Variants in R3HDM2 observed in about 807,000 individuals in gnomAD.
R3HDM2 encodes the protein R3H domain-containing protein 2.
Under a neutral mutation model 124.5 loss-of-function variants are expected in R3HDM2, and 38 were observed. The observed-to-expected ratio is 0.31, with a 90% CI of 0.24 to 0.40. The LOEUF (loss-of-function observed/expected upper bound fraction) is 0.40. R3HDM2 is among the 10% of genes least tolerant of loss of function. The pLI, the probability that R3HDM2 is intolerant of heterozygous loss-of-function variation, is 1.00. For missense variants in R3HDM2, 869 were observed against 1,236.9 expected (o/e 0.70, Z 4.46); for synonymous variants, 391 against 448.0 (o/e 0.87, Z 1.61).
intron 2 of R3HDM2, among the ~76,000 whole-genome samples, chr12:57,364,179 ACT>A (rs2062318815): frequency 8.3e-6 from 1 of 121,038 alleles, no homozygotes; most frequent in South Asian, 2.5e-4. Context: ...ATGGAGTATC[ACT>A]CTGTCACCCA....
chr12:57,376,323 A>T (rs1303046594), intron 2 of R3HDM2, among the ~76,000 whole-genome samples: 1 of 152,236 alleles, frequency 6.6e-6, no homozygotes, highest in African/African-American at 2.4e-5. Flanking sequence ...TTCTCATCTC[A>T]AACTTTGTCC....
chr12:57,426,256 G>A (rs890743374), intron 1 of R3HDM2, among the ~76,000 whole-genome samples: 4 of 152,012 alleles, frequency 2.6e-5, no homozygotes, highest in Non-Finnish European at 2.9e-5. Context: ...ATTAATTAAG[G>A]AAAGATAAAA....
chr12:57,385,760 A>C lies in R3HDM2; in HGVS notation c.-36+9989T>G, dbSNP rs543485423. 1.3e-3 allele frequency among the ~76,000 whole-genome samples: 191 copies of C among 152,288 alleles called. 1 individual carries two copies. The highest frequency in any genetic ancestry group is 4.2e-3 in the African/African-American group (174 of 41,576). On this transcript the variant is annotated intron_variant, in intron 2 of 23. Coordinates refer to ENST00000402412, the MANE Select transcript of R3HDM2 (RefSeq NM_001394031.1). ...TGACTGGGAGAGAAGACATCTAAGA[A>C]GACACCTGGGGGACTAGACAGAAGA...
chr12:57,279,027 A>G (rs2045513129), intron 14 of R3HDM2, among the ~76,000 whole-genome samples: 2 of 152,138 alleles, frequency 1.3e-5, no homozygotes, highest in Admixed American at 1.3e-4. Flanking sequence ...AATGTAAACT[A>G]CAGCAGAAAA....
At chr12:57,310,641 G>A (rs1033163248) in intron 2 of R3HDM2, among the ~76,000 whole-genome samples, 178 bp from the exon 3 acceptor site, 3 of 151,732 alleles carry the variant, frequency 2.0e-5, no homozygotes, top group Non-Finnish European at 4.4e-5. Context: ...CTTTATTGAG[G>A]TAAAATTGAC....
chr12:57,257,769 T>C (rs142682047), intron 21 of R3HDM2, among the ~76,000 whole-genome samples: 11 of 152,336 alleles, frequency 7.2e-5, no homozygotes, highest in Non-Finnish European at 1.6e-4. Flanking sequence ...TGGTTGTAAG[T>C]ACTAAGTATG....
intron 6 of R3HDM2, among the ~76,000 whole-genome samples, 162 bp downstream of exon 6, chr12:57,299,190 T>G (rs1397402040): frequency 6.6e-6 from 1 of 152,174 alleles, no homozygotes; most frequent in South Asian, 2.1e-4. Flanking sequence ...CAGGTTCAGT[T>G]AAAGAAGCAA....
Position 57,256,046 on chromosome 12 carries a change from C to G in R3HDM2, c.2576G>C (p.Arg859Pro), listed in dbSNP as rs1029062607. ...AGATTTGAGTGCTTGTCTCTTGCCC[C>G]GGTTTCCATGCTTCAGTCCACTCTG... ...QGQSGLKHGN[R>P]GKRQALKSAS... is the part of the protein sequence containing the mutation. Residue 859 changes from arginine (R) to proline (P), a missense_variant, in exon 23 of 24, where the codon CGG (arginine) becomes CCG (proline). This residue lies in a region of R3HDM2 where 602 missense variants were observed against 789.2 expected (regional missense o/e 0.76). Transcript: ENST00000402412. 1 of 1,613,976 alleles carries G rather than the reference C, an allele frequency of 6.2e-7. No individual in the cohort carries two copies. Among genetic ancestry groups the G allele is most frequent in the African/African-American group, 1.3e-5 (1 of 74,906 alleles).
intron 3 of R3HDM2, among the ~76,000 whole-genome samples, chr12:57,305,380 T>C (rs995655471): frequency 2.6e-5 from 4 of 152,150 alleles, no homozygotes; most frequent in Non-Finnish European, 5.9e-5. Context: ...TCTGACCTTT[T>C]GTTAGTATAA....
chr12:57,367,042 G>C (rs368433837), intron 2 of R3HDM2, among the ~76,000 whole-genome samples: 1 of 152,142 alleles, frequency 6.6e-6, no homozygotes, highest in African/African-American at 2.4e-5. Flanking sequence ...TCTGAAGCTT[G>C]CTTTTATGCT....
At chr12:57,258,310 T>TTTA (rs2039676833) in intron 20 of R3HDM2, among the ~76,000 whole-genome samples, 173 bp from the exon 21 acceptor site, 2 of 145,016 alleles carry the variant, frequency 1.4e-5, no homozygotes, top group Non-Finnish European at 3.0e-5. Flanking sequence ...ATTTATGCTA[T>TTTA]TTTATTTATT....
At chr12:57,387,155 G>A (rs1035007071) in intron 2 of R3HDM2, among the ~76,000 whole-genome samples, 5 of 152,086 alleles carry the variant, frequency 3.3e-5, no homozygotes, top group Non-Finnish European at 7.4e-5. Flanking sequence ...GAGAATAAAA[G>A]CAGGCTGCCC....
chr12:57,268,156 A>T (rs2042877790), intron 18 of R3HDM2, 147 bp downstream of exon 18: 1 of 771,900 alleles, frequency 1.3e-6, no homozygotes, highest in Non-Finnish European at 1.9e-6. Flanking sequence ...GAAAAGGAGA[A>T]TGAACTCCCT....
intron 2 of R3HDM2, among the ~76,000 whole-genome samples, chr12:57,319,223 A>T (rs900118282): frequency 1.3e-5 from 2 of 152,094 alleles, no homozygotes; most frequent in Non-Finnish European, 2.9e-5. Flanking sequence ...TTTAGTAGAG[A>T]AGGGGTTTCA....
chr12:57,426,014 G>C (rs529958285), intron 1 of R3HDM2, among the ~76,000 whole-genome samples: 1 of 152,256 alleles, frequency 6.6e-6, no homozygotes, highest in South Asian at 2.1e-4. Flanking sequence ...GATCACCTGA[G>C]GTTAGGAGTT....
At chr12:57,403,614 G>C (rs1222845128) in intron 1 of R3HDM2, among the ~76,000 whole-genome samples, 2 of 152,070 alleles carry the variant, frequency 1.3e-5, no homozygotes, top group Admixed American at 6.6e-5. Context: ...TTCGAGACCA[G>C]CCTGGGCAAC....
In R3HDM2 at chr12:57,340,451, T is replaced by G. The variant is rs541865104; in HGVS notation, c.-35-29988A>C. Among the ~76,000 whole-genome samples the G allele has an allele frequency of 2.0e-5, 3 of 152,334 alleles. No homozygotes were observed. The East Asian group carries it at 5.8e-4, about 29-fold the overall frequency. Reference sequence around the variant, plus strand: ...CTCTGGCAAACATCTAAATAGGTTATTCTTCTAGAATTCTCTCCATTTGCC... The same window carrying G: ...CTCTGGCAAACATCTAAATAGGTTAGTCTTCTAGAATTCTCTCCATTTGCC... On this transcript the variant is annotated intron_variant, in intron 2 of 23. Coordinates refer to ENST00000402412, the MANE Select transcript of R3HDM2 (RefSeq NM_001394031.1).
intron 2 of R3HDM2, among the ~76,000 whole-genome samples, chr12:57,390,571 C>T (rs1440858951): frequency 6.6e-6 from 1 of 151,972 alleles, no homozygotes; most frequent in Non-Finnish European, 1.5e-5. Context: ...GCGGAATGTA[C>T]CAGTGGTCCC....
At chr12:57,406,676 C>G (rs1328590155) in intron 1 of R3HDM2, among the ~76,000 whole-genome samples, 1 of 152,164 alleles carries the variant, frequency 6.6e-6, no homozygotes, top group Non-Finnish European at 1.5e-5. Context: ...TTATCAACAG[C>G]TGCTGACATC....
Sources: allele counts gnomAD v4.1 joint callset (sites outside exome capture counted in the v4.1 genomes callset), GRCh38; gene constraint gnomAD v4.1.1; regional missense constraint gnomAD v4.1.1; transcripts MANE v1.5; gene names NCBI Gene and HGNC (gene_info 2026-07-23, HGNC 2026-07-21).